The following RYR2 variants were observed in gnomAD, a reference collection of about 807,000 sequenced individuals.
The protein encoded by RYR2 is ryanodine receptor 2, also known as cardiac muscle ryanodine receptor-calcium release channel.
A neutral mutation model predicts 601.1 loss-of-function variants in RYR2; 227 were observed. That is an observed-to-expected ratio of 0.38 (90% CI 0.34 to 0.42). The LOEUF (loss-of-function observed/expected upper bound fraction) is 0.42. Among genes scored for constraint, RYR2 ranks in the 10% least tolerant of loss-of-function variants. RYR2 has a pLI of 1.00. For synonymous variants in RYR2, 2,223 were observed against 2,175.1 expected (o/e 1.02, Z -0.61); for missense variants, 4,646 against 6,156.5 (o/e 0.75, Z 8.21).
In RYR2 at chr1:237,106,069, G is replaced by C. The variant is rs113154166; in HGVS notation, c.48+63500G>C. ...GGTGGGGAGGCCAGAGGGGCTGCGG[G>C]TGTGGGCCGGGCAGGTGGAGGAGGC... On this transcript the variant is annotated intron_variant, in intron 1 of 104. Coordinates refer to ENST00000366574, the MANE Select transcript of RYR2 (RefSeq NM_001035.3). The surrounding 1 kb of genome is among the most constrained non-coding windows in gnomAD (Gnocchi z 4.4). Among the ~76,000 whole-genome samples, 57 of 152,236 alleles carry C rather than the reference G, an allele frequency of 3.7e-4. No individual in the cohort carries two copies. The highest frequency in any genetic ancestry group is 1.3e-3 in the African/African-American group (54 of 41,554).
chr1:237,445,367 T>C, intron 13 of RYR2, 34 bp from the exon 14 acceptor site: 2 of 1,610,850 alleles, frequency 1.2e-6, no homozygotes, highest in South Asian at 2.2e-5. Context: ...AAAGAGACGT[T>C]GGGAGTAATG....
Position 237,786,018 on chromosome 1 carries a change from C to A in RYR2, c.13310C>A (p.Ser4437Tyr). Residue 4437 changes from serine to tyrosine, a missense_variant, in exon 91 of 105, where the codon TCT (serine) becomes TAT (tyrosine). By Grantham distance (144) the Ser-to-Tyr change is moderately radical. This residue lies in a region of RYR2 where 364 missense variants were observed against 442.9 expected (regional missense o/e 0.82). Coordinates refer to ENST00000366574, the MANE Select transcript of RYR2 (RefSeq NM_001035.3). ...AAGGAAGAAAAAGAAGAAACCAAAT[C>A]TGAACCTGAAAAAGCCGAGTATGTA... ...EEKEEKEETK[S>Y]EPEKAEGEDG... The A allele has an allele frequency of 6.3e-7, 1 of 1,588,328 alleles. No individual in the cohort carries two copies. The highest frequency in any genetic ancestry group is 8.6e-7 in the Non-Finnish European group (1 of 1,165,730).
At chr1:237,218,955 G>A (rs1209535185) in intron 1 of RYR2, among the ~76,000 whole-genome samples, 4 of 151,252 alleles carry the variant, frequency 2.6e-5, no homozygotes, top group African/African-American at 9.7e-5. Flanking sequence ...CGTGGAGCCA[G>A]TCAAGAGGTA....
chr1:237,579,346 T>G (rs1673636504), intron 29 of RYR2, among the ~76,000 whole-genome samples: 1 of 140,172 alleles, frequency 7.1e-6, no homozygotes, highest in Admixed American at 8.0e-5. Context: ...AACCCCCGCC[T>G]CCTGAGTTCA....
chr1:237,249,222 T>C (rs1284461570), intron 1 of RYR2, among the ~76,000 whole-genome samples: 1 of 152,184 alleles, frequency 6.6e-6, no homozygotes, highest in Non-Finnish European at 1.5e-5. Context: ...CCAAATGTAG[T>C]TTTTATATTA....
chr1:237,215,168 T>C (rs933710863), intron 1 of RYR2, among the ~76,000 whole-genome samples: 2 of 152,216 alleles, frequency 1.3e-5, no homozygotes, highest in Non-Finnish European at 2.9e-5. Flanking sequence ...TGAAATTTGT[T>C]TTTTTCCCAG....
chr1:237,042,454 C>T lies in RYR2; in HGVS notation c.-68C>T. ...CGGCAGCAGAAGCAGAAGGCAGCGCCAGGGGCCGCCGCCGCCGCCGAGCTC... is the reference window on the plus strand; with the variant it reads ...CGGCAGCAGAAGCAGAAGGCAGCGCTAGGGGCCGCCGCCGCCGCCGAGCTC... On this transcript the variant is annotated 5_prime_UTR_variant, in exon 1 of 105. Coordinates refer to ENST00000366574, the MANE Select transcript of RYR2 (RefSeq NM_001035.3). The T allele has an allele frequency of 8.1e-7, 1 of 1,227,452 alleles. No individual in the cohort carries two copies. The highest frequency in any genetic ancestry group is 1.0e-6 in the Non-Finnish European group (1 of 974,476). The allele number at this position is 1,227,452 out of a possible 1,614,324, so 76.0% of individuals were successfully genotyped here.
chr1:237,823,397 A>C (rs761679384), intron 101 of RYR2, among the ~76,000 whole-genome samples: 2 of 152,218 alleles, frequency 1.3e-5, no homozygotes, highest in Non-Finnish European at 2.9e-5. Context: ...GCACAACTAC[A>C]TGGAAACTGA....
intron 80 of RYR2, 46 bp from the exon 81 acceptor site, chr1:237,756,242 G>A: frequency 7.8e-7 from 1 of 1,282,328 alleles, no homozygotes; most frequent in South Asian, 1.2e-5. Context: ...GAAATCTGTT[G>A]TGCTTACTGA....
At position 237,530,458 on chromosome 1, in the gene RYR2, A is replaced by T; in HGVS notation, c.2854A>T (p.Ile952Leu). 1 of 1,609,588 alleles carries T rather than the reference A, an allele frequency of 6.2e-7. No homozygotes were observed. The highest frequency in any genetic ancestry group is 8.5e-7 in the Non-Finnish European group (1 of 1,177,870). ...TLLALGCHVG[I>L]SDEHAEDKVK... Reference sequence around the variant, plus strand: ...GTTGGCATTAGGATGTCATGTGGGTATATCAGATGAACATGCTGAAGACAA... The same window carrying T: ...GTTGGCATTAGGATGTCATGTGGGTTTATCAGATGAACATGCTGAAGACAA... Residue 952 changes from isoleucine (I) to leucine (L), a missense_variant, in exon 25 of 105, where the codon ATA (isoleucine) becomes TTA (leucine). By Grantham distance (5) the Ile-to-Leu change is conservative. Coordinates refer to ENST00000366574, the MANE Select transcript of RYR2 (RefSeq NM_001035.3).
chr1:237,631,886 C>CAG (rs1558099311), intron 42 of RYR2, among the ~76,000 whole-genome samples: 29 of 6,592 alleles, frequency 4.4e-3, no homozygotes, highest in African/African-American at 0.043. Context: ...CCTTGGCCTC[C>CAG]CCTCCCGAAG....
intron 2 of RYR2, among the ~76,000 whole-genome samples, chr1:237,289,481 C>T (rs1364169930): frequency 6.6e-6 from 1 of 152,190 alleles, no homozygotes; most frequent in Non-Finnish European, 1.5e-5. Context: ...GGGACGCAAA[C>T]ACGTCCTTCT....
intron 13 of RYR2, 91 bp downstream of exon 13, chr1:237,441,574 C>G (rs1707906930): frequency 2.4e-6 from 3 of 1,242,958 alleles, no homozygotes. Flanking sequence ...TCTTTTTAGT[C>G]ACCTGCAAAA....
intron 10 of RYR2, among the ~76,000 whole-genome samples, chr1:237,400,448 A>C (rs1249596050): frequency 6.6e-6 from 1 of 152,120 alleles, no homozygotes; most frequent in Non-Finnish European, 1.5e-5. Context: ...AGTGGCCCTC[A>C]GACTGGAAGG....
intron 1 of RYR2, among the ~76,000 whole-genome samples, chr1:237,102,180 G>A (rs1267902004): frequency 6.6e-6 from 1 of 152,196 alleles, no homozygotes; most frequent in Non-Finnish European, 1.5e-5. Flanking sequence ...GATTTAGACG[G>A]GAGCTTGAGG....
intron 1 of RYR2, among the ~76,000 whole-genome samples, chr1:237,127,419 C>T (rs1671577477): frequency 6.7e-6 from 1 of 148,228 alleles, no homozygotes; most frequent in Non-Finnish European, 1.5e-5. Flanking sequence ...GGGGGCTGAC[C>T]CCCCCACCTC....
intron 10 of RYR2, among the ~76,000 whole-genome samples, chr1:237,399,900 C>T (rs1243085045): frequency 6.6e-6 from 1 of 151,808 alleles, no homozygotes; most frequent in Non-Finnish European, 1.5e-5. Context: ...TAACTAGGGG[C>T]AAGGAAGAAC....
chr1:237,594,263 T>C (rs769307491), intron 33 of RYR2, among the ~76,000 whole-genome samples: 23 of 152,314 alleles, frequency 1.5e-4, no homozygotes, highest in Non-Finnish European at 2.8e-4. Flanking sequence ...ACCATTGGCT[T>C]CTACCTTTTG....
At chr1:237,806,467 C>A (rs534406675) in intron 99 of RYR2, among the ~76,000 whole-genome samples, 184 bp downstream of exon 99, 1 of 152,228 alleles carries the variant, frequency 6.6e-6, no homozygotes, top group Admixed American at 6.5e-5. Context: ...TATACTCAAG[C>A]CTTGGCTTGA....
Sources: allele counts gnomAD v4.1 joint callset (sites outside exome capture counted in the v4.1 genomes callset), GRCh38; gene constraint gnomAD v4.1.1; regional missense constraint gnomAD v4.1.1; non-coding constraint Gnocchi (gnomAD v3.1); transcripts MANE v1.5; gene names NCBI Gene and HGNC (gene_info 2026-07-23, HGNC 2026-07-21).